Variants in MYO9A observed in about 807,000 individuals in gnomAD.
MYO9A encodes the protein unconventional myosin-IXa.
In MYO9A, 103 loss-of-function variants were observed where a neutral mutation model predicts 293.3. The ratio of observed to expected loss-of-function variants is 0.35; its 90% CI spans 0.30 to 0.41. The LOEUF is 0.41. Ranked by LOEUF, MYO9A falls within the 10% of genes least tolerant of loss-of-function variation. The pLI is 1.00. For missense variants in MYO9A, 2,685 were observed against 3,033.0 expected (o/e 0.89, Z 2.69); for synonymous variants, 1,001 against 1,035.7 (o/e 0.97, Z 0.64).
At chr15:71,888,275 CTATA>C in intron 26 of MYO9A, 159 bp from the exon 27 acceptor site, 1 of 420,480 alleles carries the variant, frequency 2.4e-6, no homozygotes, top group Admixed American at 4.3e-5. Flanking sequence ...ACTGAAAACT[CTATA>C]TAAAGTAATC....
At chr15:71,949,204 G>C (rs1438818871) in intron 15 of MYO9A, among the ~76,000 whole-genome samples, 1 of 151,864 alleles carries the variant, frequency 6.6e-6, no homozygotes. Flanking sequence ...CTGTAAGCTA[G>C]TGTTTGTTTG....
At chr15:71,900,496 TA>T (rs571382264) in intron 23 of MYO9A, among the ~76,000 whole-genome samples, 22 of 152,082 alleles carry the variant, frequency 1.4e-4, no homozygotes, top group Non-Finnish European at 2.9e-4. Context: ...CTGAAAAAGA[TA>T]AATAGAAAAA....
chr15:72,039,991 C>G, intron 2 of MYO9A: 1 of 187,972 alleles, frequency 5.3e-6, no homozygotes, highest in South Asian at 1.2e-4. Context: ...GGGAAATAAC[C>G]CTGAACCTGC....
rs1301901754 is a variant in MYO9A, at chr15:71,959,937, T to G, written c.2146A>C (p.Arg716=). The change falls in exon 14 of 42, where the codon AGG becomes CGG. Residue 716 remains arginine (R), a synonymous_variant. Coordinates refer to ENST00000356056, the MANE Select transcript of MYO9A (RefSeq NM_006901.4). ...TGAATGTTTCTTTTCCCAGCTTCCC[T>G]GAAAGCAACCATGGCTCTGAAAAAA... ...RAFFRAMVAF[R]EAGKRNIHRK... The G allele has an allele frequency of 6.2e-7, 1 of 1,613,758 alleles. No individual in the cohort carries two copies. Among genetic ancestry groups the G allele is most frequent in the Admixed American group, 1.7e-5 (1 of 59,986 alleles).
Position 71,932,223 on chromosome 15 carries a change from G to C in MYO9A, c.2562+1447C>G, listed in dbSNP as rs1177231613. 9.2e-5 allele frequency among the ~76,000 whole-genome samples: 14 copies of C among 152,238 alleles called. 1 individual carries two copies. The South Asian group carries it at 2.9e-3, about 32-fold the overall frequency. On this transcript the variant is annotated intron_variant, in intron 18 of 41. Transcript: ENST00000356056. ...CACTACGCTGAAGAGAGGAATTCTAGCAAACGTCTATATTTTAGATCAGAC... is the reference window on the plus strand; with the variant it reads ...CACTACGCTGAAGAGAGGAATTCTACCAAACGTCTATATTTTAGATCAGAC...
intron 9 of MYO9A, among the ~76,000 whole-genome samples, chr15:71,997,169 A>AT (rs879676909): frequency 3.1e-4 from 47 of 151,762 alleles, no homozygotes; most frequent in Non-Finnish European, 6.0e-4. Context: ...ACAAATTAAG[A>AT]TTTTTTTTTC....
At chr15:71,857,522 A>ATC (rs1325535279) in intron 34 of MYO9A, among the ~76,000 whole-genome samples, 2 of 152,150 alleles carry the variant, frequency 1.3e-5, no homozygotes, top group African/African-American at 4.8e-5. Flanking sequence ...AATAACCAGT[A>ATC]TCTGTACTTC....
Position 71,994,529 on chromosome 15 carries a change from CCAGT to C in MYO9A, c.1523_1526del (p.Asp508GlyfsTer2). On this transcript the variant is annotated frameshift_variant, in exon 10 of 42. Coordinates refer to ENST00000356056, the MANE Select transcript of MYO9A (RefSeq NM_006901.4). LOFTEE classifies it high-confidence loss of function. ...GTGCATGATTAATTCGAAAAACTAT[CCAGT>C]CAAACAGGGCACTATACAGAGACTT... is the stretch of plus-strand genomic sequence containing the variant. The C allele has an allele frequency of 6.2e-7, 1 of 1,611,750 alleles. No homozygotes were observed. The highest frequency in any genetic ancestry group is 8.5e-7 in the Non-Finnish European group (1 of 1,179,464).
rs34844195 is a variant in MYO9A at position 72,108,662 on chromosome 15, T to G, written c.-72+9018A>C. Among the ~76,000 whole-genome samples, 552 of 152,358 alleles carry G rather than the reference T, an allele frequency of 3.6e-3. 3 individuals carry two copies. The highest frequency in any genetic ancestry group is 6.2e-3 in the Non-Finnish European group (423 of 68,042). ...TCAATATTAAATTAGGGTATTATTT[T>G]TCCTAGGTGTTGGTAATAGCACACT... On this transcript the variant is annotated intron_variant, in intron 1 of 41. Transcript: ENST00000356056.
chr15:72,030,125 A>G (rs2077816134), intron 3 of MYO9A, among the ~76,000 whole-genome samples: 1 of 152,200 alleles, frequency 6.6e-6, no homozygotes, highest in African/African-American at 2.4e-5. Context: ...ACCACCACCA[A>G]TAATTAAAAT....
intron 8 of MYO9A, among the ~76,000 whole-genome samples, chr15:72,006,954 A>C (rs909367893): frequency 3.9e-5 from 6 of 152,348 alleles, no homozygotes; most frequent in Admixed American, 3.3e-4. Flanking sequence ...TAAACAAATA[A>C]GTAAATGGAT....
At chr15:72,018,545 G>A (rs1230331730) in intron 6 of MYO9A, among the ~76,000 whole-genome samples, 1 of 151,932 alleles carries the variant, frequency 6.6e-6, no homozygotes, top group African/African-American at 2.4e-5. Flanking sequence ...TACAGACTCT[G>A]GCTACTGGGA....
chr15:71,980,901 C>A lies in MYO9A; in HGVS notation c.1723-2609G>T, dbSNP rs550337120. ...AACATTATTGCCTTGTTCTTAGTCTCAGAGGAAAAGCACTCAGTCTTTTTC... is the reference window on the plus strand; with the variant it reads ...AACATTATTGCCTTGTTCTTAGTCTAAGAGGAAAAGCACTCAGTCTTTTTC... On this transcript the variant is annotated intron_variant, in intron 11 of 41. Coordinates refer to ENST00000356056, the MANE Select transcript of MYO9A (RefSeq NM_006901.4). Among the ~76,000 whole-genome samples, 3 of 152,288 alleles carry A rather than the reference C, an allele frequency of 2.0e-5. No homozygotes were observed. The East Asian group carries it at 5.8e-4, about 29-fold the overall frequency.
At chr15:71,869,772 G>A (rs2056449906) in intron 32 of MYO9A, among the ~76,000 whole-genome samples, 1 of 152,142 alleles carries the variant, frequency 6.6e-6, no homozygotes, top group Non-Finnish European at 1.5e-5. Flanking sequence ...AGAGAGTAAT[G>A]AAAAATAAGG....
chr15:72,102,940 G>A (rs887081363), intron 1 of MYO9A, among the ~76,000 whole-genome samples: 2 of 151,550 alleles, frequency 1.3e-5, no homozygotes, highest in Non-Finnish European at 2.9e-5. Flanking sequence ...AAATCCAGAA[G>A]AATCTACAGA....
At chr15:71,883,356 C>T (rs947289496) in intron 28 of MYO9A, among the ~76,000 whole-genome samples, 9 of 152,168 alleles carry the variant, frequency 5.9e-5, no homozygotes, top group African/African-American at 2.2e-4. Context: ...CTATGATACA[C>T]AGTCATTTTT....
intron 1 of MYO9A, among the ~76,000 whole-genome samples, chr15:72,087,743 T>TCTTG (rs1274148988): frequency 1.3e-5 from 2 of 152,184 alleles, no homozygotes; most frequent in Non-Finnish European, 1.5e-5. Flanking sequence ...TAGTCAGCCA[T>TCTTG]CTTGCCCACC....
At position 71,935,307 on chromosome 15, in the gene MYO9A, C is replaced by A. The variant is rs1567291143; in HGVS notation, c.2522+34G>T. The A allele has an allele frequency of 3.9e-6, 6 of 1,520,652 alleles. No homozygotes were observed. In the South Asian group the frequency reaches 4.0e-5, roughly 10 times the overall value. The allele number at this position is 1,520,652 out of a possible 1,614,324, so 94.2% of individuals were successfully genotyped here. On this transcript the variant is annotated intron_variant, in intron 17 of 41. Coordinates refer to ENST00000356056, the MANE Select transcript of MYO9A (RefSeq NM_006901.4). ...TTTAAACCAGACAAAAAACAAAAAACAAAAAACAATTTACATTACTGATTA... is the reference window on the plus strand; with the variant it reads ...TTTAAACCAGACAAAAAACAAAAAAAAAAAAACAATTTACATTACTGATTA...
At chr15:71,949,729 G>A (rs1313703395) in intron 15 of MYO9A, among the ~76,000 whole-genome samples, 1 of 151,462 alleles carries the variant, frequency 6.6e-6, no homozygotes, top group African/African-American at 2.4e-5. Flanking sequence ...AGGGATATGG[G>A]CAGAGTTCAT....
Sources: allele counts gnomAD v4.1 joint callset (sites outside exome capture counted in the v4.1 genomes callset), GRCh38; gene constraint gnomAD v4.1.1; transcripts MANE v1.5; gene names NCBI Gene and HGNC (gene_info 2026-07-23, HGNC 2026-07-21).